Variants in GRIK3 observed in about 807,000 individuals in gnomAD.
GRIK3 encodes the protein glutamate receptor ionotropic, kainate 3.
A neutral mutation model predicts 102.5 loss-of-function variants in GRIK3; 29 were observed. The observed-to-expected ratio is 0.28, with a 90% CI of 0.21 to 0.39. GRIK3 has a LOEUF of 0.39. Among genes scored for constraint, GRIK3 ranks in the 10% least tolerant of loss-of-function variants. GRIK3 has a pLI of 1.00. For missense variants in GRIK3, 908 were observed against 1,252.4 expected (o/e 0.73, Z 4.15); for synonymous variants, 511 against 504.9 (o/e 1.01, Z -0.16).
intron 1 of GRIK3, among the ~76,000 whole-genome samples, chr1:36,962,662 G>C (rs1047857306): frequency 6.8e-6 from 1 of 147,260 alleles, no homozygotes; most frequent in Non-Finnish European, 1.5e-5. Flanking sequence ...GAGAGAGAGA[G>C]AGAGAACAGA....
chr1:36,880,555 A>G lies in GRIK3; in HGVS notation c.550+79T>C. 1.4e-6 allele frequency: 2 copies of G among 1,409,640 alleles called. No individual in the cohort carries two copies. The highest frequency in any genetic ancestry group is 2.0e-6 in the Non-Finnish European group (2 of 1,005,062). 87.3% of individuals were successfully genotyped at this position (1,409,640 alleles called of 1,614,324 possible). On this transcript the variant is annotated intron_variant, in intron 3 of 15. Transcript: ENST00000373091. The surrounding 1 kb of genome is among the most constrained non-coding windows in gnomAD (Gnocchi z 5.4). ...TCTTCCCCCAGGGCAGCTGTGCTGA[A>G]CAAACAGACAAGAGCTTGATCCTGG...
At chr1:37,002,441 T>C (rs1642487432) in intron 1 of GRIK3, among the ~76,000 whole-genome samples, 1 of 151,468 alleles carries the variant, frequency 6.6e-6, no homozygotes, top group Non-Finnish European at 1.5e-5. Flanking sequence ...TTTCGGAGAG[T>C]GGGTTGAGAA....
At chr1:36,905,280 T>G (rs1341309896) in intron 1 of GRIK3, among the ~76,000 whole-genome samples, 2 of 152,196 alleles carry the variant, frequency 1.3e-5, no homozygotes, top group African/African-American at 4.8e-5. Flanking sequence ...TTGGAAGGGA[T>G]GGCTCAATAT....
At chr1:36,989,591 C>T (rs1201349737) in intron 1 of GRIK3, among the ~76,000 whole-genome samples, 1 of 152,210 alleles carries the variant, frequency 6.6e-6, no homozygotes, top group African/African-American at 2.4e-5. Context: ...CAAAATGGCC[C>T]CTCTGAATCA....
In GRIK3 at chr1:36,989,419, T is replaced by C. The variant is rs138949405; in HGVS notation, c.115+44575A>G. On this transcript the variant is annotated intron_variant, in intron 1 of 15. Coordinates refer to ENST00000373091, the MANE Select transcript of GRIK3 (RefSeq NM_000831.4). ...GAGTTCTGTCTGTGCTGGGGAGGAGTTGCCCTTCAACAACACACAAGCACC... is the reference window on the plus strand; with the variant it reads ...GAGTTCTGTCTGTGCTGGGGAGGAGCTGCCCTTCAACAACACACAAGCACC... Among the ~76,000 whole-genome samples, 498 of 150,586 alleles carry C rather than the reference T, an allele frequency of 3.3e-3. 5 individuals carry two copies. The highest frequency in any genetic ancestry group is 0.012 in the African/African-American group (475 of 40,916).
chr1:37,033,203 A>T (rs1642847194), intron 1 of GRIK3, among the ~76,000 whole-genome samples: 1 of 152,214 alleles, frequency 6.6e-6, no homozygotes. Flanking sequence ...AGACGCGGAG[A>T]AGCCGGAGCC....
intron 11 of GRIK3, among the ~76,000 whole-genome samples, chr1:36,824,790 C>T (rs575988208): frequency 1.1e-4 from 16 of 152,024 alleles, no homozygotes; most frequent in African/African-American, 3.6e-4. Context: ...GACCACCGGA[C>T]GGAGATGTGG....
At chr1:36,815,299 C>T (rs1393205553) in intron 13 of GRIK3, among the ~76,000 whole-genome samples, 1 of 152,132 alleles carries the variant, frequency 6.6e-6, no homozygotes. Context: ...CAAGGAGGGA[C>T]ATGGTGGGGG....
At chr1:36,951,449 A>C (rs1254470677) in intron 1 of GRIK3, among the ~76,000 whole-genome samples, 2 of 152,160 alleles carry the variant, frequency 1.3e-5, no homozygotes, top group Non-Finnish European at 2.9e-5. Context: ...CCCACTGCAC[A>C]CTTGGGGGGT....
chr1:36,965,820 T>C (rs1642072308), intron 1 of GRIK3, among the ~76,000 whole-genome samples: 1 of 152,176 alleles, frequency 6.6e-6, no homozygotes. Flanking sequence ...GTTTCCCAAT[T>C]TACAAGCAAT....
rs1642369373 is a variant in GRIK3, at chr1:36,796,758, T to A, written c.*5093A>T. The A allele has an allele frequency of 6.6e-6, 1 of 152,182 alleles. No homozygotes were observed. Among genetic ancestry groups the A allele is most frequent in the Admixed American group, 6.5e-5 (1 of 15,284 alleles). 9.4% of individuals were successfully genotyped at this position (152,182 alleles called of 1,614,324 possible). ...GAGAATCAGAGGCAGAGGCTTTTGC[T>A]ACCTAGAATAGCCCCGCCTTCTAGG... is the stretch of plus-strand genomic sequence containing the variant. On this transcript the variant is annotated 3_prime_UTR_variant, in exon 16 of 16. Transcript: ENST00000373091.
chr1:37,002,670 C>CTTTTTTTTTTTTTTTT (rs57712253), intron 1 of GRIK3, among the ~76,000 whole-genome samples: 1 of 135,248 alleles, frequency 7.4e-6, no homozygotes. Flanking sequence ...TTCTTTCTTT[C>CTTTTTTTTTTTTTTTT]TTTTTTTTTT....
chr1:36,953,837 C>T lies in GRIK3; in HGVS notation c.116-62741G>A, dbSNP rs558700091. 2.0e-4 allele frequency among the ~76,000 whole-genome samples: 30 copies of T among 152,226 alleles called. No homozygotes were observed. In the South Asian group the frequency reaches 3.3e-3, roughly 17 times the overall value. On this transcript the variant is annotated intron_variant, in intron 1 of 15. Coordinates refer to ENST00000373091, the MANE Select transcript of GRIK3 (RefSeq NM_000831.4). ...TCGCTCCGCAGCAATCAAAGCATGGCCCTGAAGAAGCTCCCCTGGAGGGGA... is the reference window on the plus strand; with the variant it reads ...TCGCTCCGCAGCAATCAAAGCATGGTCCTGAAGAAGCTCCCCTGGAGGGGA...
intron 9 of GRIK3, chr1:36,849,701 C>T (rs910383766): frequency 1.3e-5 from 2 of 152,732 alleles, no homozygotes; most frequent in Admixed American, 1.3e-4. Context: ...TCCTCCTGCC[C>T]CCGCATGAGC....
chr1:36,961,882 C>T (rs1021010595), intron 1 of GRIK3, among the ~76,000 whole-genome samples: 1 of 152,140 alleles, frequency 6.6e-6, no homozygotes, highest in Non-Finnish European at 1.5e-5. Flanking sequence ...GACAACCAAC[C>T]ACCCTTGCTC....
intron 1 of GRIK3, among the ~76,000 whole-genome samples, chr1:36,927,173 G>A (rs748441666): frequency 2.0e-4 from 31 of 152,182 alleles, no homozygotes; most frequent in Non-Finnish European, 3.4e-4. Context: ...AGAGACCCTC[G>A]TTCAAGAGCT....
intron 1 of GRIK3, among the ~76,000 whole-genome samples, chr1:36,972,956 T>A (rs139313190): frequency 6.6e-6 from 1 of 152,118 alleles, no homozygotes; most frequent in Non-Finnish European, 1.5e-5. Flanking sequence ...CACCATCAGT[T>A]CTGAGCTTGT....
rs148698331 is a variant in GRIK3, at chr1:36,927,306, G to A, written c.116-36210C>T. 5.0e-3 allele frequency among the ~76,000 whole-genome samples: 760 copies of A among 152,314 alleles called. 10 individuals are homozygous for A. Among genetic ancestry groups the A allele is most frequent in the Middle Eastern group, 0.01 (3 of 294 alleles). On this transcript the variant is annotated intron_variant, in intron 1 of 15. Transcript: ENST00000373091. ...TCGTTTTCTCCATCTACCTCCAGAA[G>A]CTGGGGCCTTAAGTGGAAAAGATGC...
chr1:37,031,182 C>T (rs1557470353), intron 1 of GRIK3, among the ~76,000 whole-genome samples: 1 of 152,200 alleles, frequency 6.6e-6, no homozygotes, highest in African/African-American at 2.4e-5. Context: ...CAATGCACAA[C>T]ATTTGATAAT....
Sources: gnomAD v4.1 joint callset for allele counts (sites outside exome capture counted in the v4.1 genomes callset) on GRCh38, gnomAD v4.1.1 for gene constraint, Gnocchi (gnomAD v3.1) non-coding constraint, MANE v1.5 for transcripts, NCBI Gene and HGNC (gene_info 2026-07-23, HGNC 2026-07-21) for gene names.